The following ACTR6 variants were observed in gnomAD, a reference collection of about 807,000 sequenced individuals.
ACTR6 encodes the protein actin-related protein 6.
ACTR6 carries 50 observed loss-of-function variants against 52.5 expected under a neutral mutation model. The observed-to-expected ratio is 0.95, with a 90% confidence interval of 0.76 to 1.20. The LOEUF (loss-of-function observed/expected upper bound fraction) is 1.20, where lower values mean the gene tolerates loss of function less well. Ranked by LOEUF, ACTR6 falls within the 50% of genes most tolerant of loss-of-function variation. The pLI is 0.00. For missense variants in ACTR6, 344 were observed against 472.4 expected (o/e 0.73, Z 2.52); for synonymous variants, 135 against 147.2 (o/e 0.92, Z 0.60).
chr12:100,204,526 A>G (rs905664999), intron 1 of ACTR6, among the ~76,000 whole-genome samples: 2 of 151,644 alleles, frequency 1.3e-5, no homozygotes, highest in African/African-American at 2.4e-5. Context: ...ATGCCTGGCT[A>G]ATTTTTGTGT....
chr12:100,222,881 A>G (rs2096129430), intron 10 of ACTR6, among the ~76,000 whole-genome samples: 1 of 152,110 alleles, frequency 6.6e-6, no homozygotes, highest in African/African-American at 2.4e-5. Flanking sequence ...GTCTTCCCAC[A>G]TAATTGTTTA....
intron 1 of ACTR6, among the ~76,000 whole-genome samples, 197 bp from the exon 2 acceptor site, chr12:100,204,743 C>T (rs1355984490): frequency 6.6e-6 from 1 of 152,178 alleles, no homozygotes; most frequent in Non-Finnish European, 1.5e-5. Flanking sequence ...AAGCAATCAT[C>T]CTGCTCCCAA....
chr12:100,208,425 G>A (rs533840705), intron 4 of ACTR6, among the ~76,000 whole-genome samples: 30 of 151,924 alleles, frequency 2.0e-4, no homozygotes, highest in African/African-American at 5.3e-4. Flanking sequence ...ACAGGCGTTC[G>A]CCACCATGCC....
intron 9 of ACTR6, among the ~76,000 whole-genome samples, chr12:100,219,393 A>G (rs1009475444): frequency 2.8e-4 from 42 of 152,148 alleles, no homozygotes; most frequent in African/African-American, 8.9e-4. Flanking sequence ...TTAATTCCTG[A>G]TGGATTTTCC....
intron 8 of ACTR6, among the ~76,000 whole-genome samples, chr12:100,215,697 G>A (rs374402265): frequency 2.6e-5 from 4 of 152,124 alleles, no homozygotes; most frequent in African/African-American, 4.8e-5. Flanking sequence ...TGTCAATTTC[G>A]TTAAAATGTA....
At chr12:100,202,358 A>C (rs116086019) in intron 1 of ACTR6, among the ~76,000 whole-genome samples, 392 of 152,292 alleles carry the variant, frequency 2.6e-3, no homozygotes, top group African/African-American at 9.0e-3. Flanking sequence ...ATATTGGCTA[A>C]ATACACCAAA....
At chr12:100,201,540 C>T (rs935043154) in intron 1 of ACTR6, among the ~76,000 whole-genome samples, 2 of 152,038 alleles carry the variant, frequency 1.3e-5, no homozygotes, top group African/African-American at 4.8e-5. Flanking sequence ...TTCTTTCCTT[C>T]CTCCCTCCTT....
At chr12:100,210,455 A>G in intron 6 of ACTR6, 104 bp downstream of exon 6, 1 of 1,254,890 alleles carries the variant, frequency 8.0e-7, no homozygotes, top group South Asian at 1.3e-5. Context: ...ATTGTGACTC[A>G]CGCCTGTAAT....
chr12:100,218,234 G>A lies in ACTR6; in HGVS notation c.751-181G>A, dbSNP rs552607453. Among the ~76,000 whole-genome samples the A allele has an allele frequency of 7.3e-4, 111 of 152,180 alleles. No individual in the cohort carries two copies. The highest frequency in any genetic ancestry group is 2.4e-3 in the African/African-American group (99 of 41,542). On this transcript the variant is annotated intron_variant, in intron 8 of 10. Coordinates refer to ENST00000188312, the MANE Select transcript of ACTR6 (RefSeq NM_022496.5). This position sits in a 1 kb window ranked among gnomAD's most constrained non-coding sequence, Gnocchi z 4.2. ...CAGTAATTATTTAGTTGTGTTTTGT[G>A]TGATTTTGGCAACAGTAAAGGCAGC...
At chr12:100,204,505 C>G (rs1291083716) in intron 1 of ACTR6, among the ~76,000 whole-genome samples, 1 of 152,108 alleles carries the variant, frequency 6.6e-6, no homozygotes, top group Non-Finnish European at 1.5e-5. Context: ...GGACTACAGG[C>G]ATGTGCCACC....
In ACTR6 at chr12:100,218,770, T is replaced by G. The variant is rs979065931; in HGVS notation, c.922+184T>G. ...TTCATCTTTGATTATAAGTTTTTTT[T>G]TGTGATTATAAATTCGATAGAGGAA... is the stretch of plus-strand genomic sequence containing the variant. On this transcript the variant is annotated intron_variant, in intron 9 of 10. Transcript: ENST00000188312. The surrounding 1 kb of genome is among the most constrained non-coding windows in gnomAD (Gnocchi z 4.2). 4.0e-5 allele frequency among the ~76,000 whole-genome samples: 6 copies of G among 151,654 alleles called. No homozygotes were observed. The highest frequency in any genetic ancestry group is 3.4e-3 in the Middle Eastern group (1 of 294).
intron 8 of ACTR6, among the ~76,000 whole-genome samples, chr12:100,216,673 TAAA>T (rs2096124171): frequency 7.2e-5 from 11 of 152,346 alleles, no homozygotes; most frequent in African/African-American, 2.6e-4. Flanking sequence ...TGAATGTTGA[TAAA>T]ATGAGTTATA....
chr12:100,205,168 TAAACCCAAATTAAAA>T, intron 2 of ACTR6, 111 bp downstream of exon 2: 2 of 511,482 alleles, frequency 3.9e-6, no homozygotes, highest in Non-Finnish European at 6.5e-6. Context: ...ACAACCTAAT[TAAACCCAAATTAAAA>T]TTTAATTGTT....
rs1283422485 is a variant in ACTR6 at position 100,204,245 on chromosome 12, T to G, written c.69-695T>G. The G allele has an allele frequency of 2.6e-5, 4 of 152,418 alleles. No homozygotes were observed. The East Asian group carries it at 7.7e-4, about 29-fold the overall frequency. The allele number at this position is 152,418 out of a possible 1,614,324, so 9.4% of individuals were successfully genotyped here. A position where few individuals can be genotyped will look rare whatever the true frequency, so the allele number is the denominator to read the frequency against. ...ATGCAGTAGTGGGATCACAGTTCAT[T>G]GCAGCTGCAGACTCCTGCGTTTAAG... On this transcript the variant is annotated intron_variant, in intron 1 of 10. Transcript: ENST00000188312.
intron 8 of ACTR6, among the ~76,000 whole-genome samples, chr12:100,213,127 G>C (rs1423687077): frequency 6.6e-6 from 1 of 151,402 alleles, no homozygotes; most frequent in Non-Finnish European, 1.5e-5. Context: ...ATCTCACTCT[G>C]TCATCCAGGC....
chr12:100,209,035 C>G (rs777693842), intron 4 of ACTR6: 1 of 287,340 alleles, frequency 3.5e-6, no homozygotes, highest in African/African-American at 2.3e-5. Flanking sequence ...GCATAAGCCA[C>G]GGCTCCAGGC....
intron 8 of ACTR6, among the ~76,000 whole-genome samples, chr12:100,214,532 C>T (rs955504883): frequency 2.7e-5 from 4 of 150,668 alleles, no homozygotes; most frequent in Non-Finnish European, 5.9e-5. Flanking sequence ...TTGAGACCAG[C>T]CTCAGCAACA....
chr12:100,207,865 T>C (rs1326323011), intron 4 of ACTR6, 79 bp downstream of exon 4: 2 of 1,493,266 alleles, frequency 1.3e-6, no homozygotes, highest in Admixed American at 1.7e-5. Context: ...TCCCAAAATA[T>C]TAAGTGGCAT....
chr12:100,219,269 C>T (rs145379109), intron 9 of ACTR6, among the ~76,000 whole-genome samples: 4 of 151,192 alleles, frequency 2.6e-5, no homozygotes, highest in African/African-American at 9.7e-5. Flanking sequence ...ATGTGTACAA[C>T]ATTTTGTACT....
Sources: gnomAD v4.1 joint callset for allele counts (sites outside exome capture counted in the v4.1 genomes callset) on GRCh38, gnomAD v4.1.1 for gene constraint, Gnocchi (gnomAD v3.1) non-coding constraint, MANE v1.5 for transcripts, NCBI Gene and HGNC (gene_info 2026-07-23, HGNC 2026-07-21) for gene names.